PCDHA7: variants seen among roughly 807,000 people sequenced by gnomAD.
PCDHA7 encodes the protein protocadherin alpha-7.
A neutral mutation model predicts 57.2 loss-of-function variants in PCDHA7; 37 were observed. That is an observed-to-expected ratio of 0.65 (90% CI 0.50 to 0.85). The LOEUF is 0.85. Among genes scored for constraint, PCDHA7 ranks in the 40% least tolerant of loss-of-function variants. PCDHA7 has a pLI of 0.00. For missense variants in PCDHA7, 1,188 were observed against 1,241.8 expected, an observed-to-expected ratio of 0.96 and a Z score of 0.65; for synonymous variants, 553 against 558.8, an observed-to-expected ratio of 0.99 and a Z score of 0.15.
chr5:140,865,961 T>C (rs1314413159), intron 1 of PCDHA7: 9 of 152,210 alleles, frequency 5.9e-5, no homozygotes, highest in Admixed American at 5.9e-4. Context: ...ATTAATTTTG[T>C]ACAATGTGTG....
chr5:140,946,019 C>CA (rs1222084270), intron 1 of PCDHA7, among the ~76,000 whole-genome samples: 3 of 151,732 alleles, frequency 2.0e-5, no homozygotes, highest in Non-Finnish European at 4.4e-5. Flanking sequence ...TCCTGCGCAG[C>CA]AAAGAAAACA....
chr5:140,851,530 A>G (rs2042087003), intron 1 of PCDHA7: 6 of 902,946 alleles, frequency 6.6e-6, no homozygotes, highest in Non-Finnish European at 8.1e-6. Context: ...ATGCCTGACA[A>G]TGTAGATAAT....
chr5:140,869,293 T>C, intron 1 of PCDHA7: 2 of 1,613,604 alleles, frequency 1.2e-6, no homozygotes, highest in African/African-American at 1.3e-5. Flanking sequence ...GCAGCGCCTG[T>C]TCCGGGTGGC....
chr5:140,962,080 T>A (rs1226617177), intron 1 of PCDHA7, among the ~76,000 whole-genome samples: 1 of 151,756 alleles, frequency 6.6e-6, no homozygotes, highest in Non-Finnish European at 1.5e-5. Context: ...AGAGACGGGG[T>A]TTCACCATGT....
chr5:140,841,253 G>A, intron 1 of PCDHA7: 1 of 1,510,284 alleles, frequency 6.6e-7, no homozygotes, highest in Non-Finnish European at 8.9e-7. Context: ...TGGATTAAAA[G>A]ACTCTGAAAG....
chr5:140,896,959 T>C (rs1486927062), intron 1 of PCDHA7, among the ~76,000 whole-genome samples: 1 of 152,204 alleles, frequency 6.6e-6, no homozygotes, highest in Non-Finnish European at 1.5e-5. Context: ...CCTTAAACAT[T>C]TATTCTTTGC....
intron 1 of PCDHA7, chr5:140,877,101 G>T (rs375706181): frequency 6.8e-6 from 11 of 1,613,354 alleles, no homozygotes; most frequent in Non-Finnish European, 9.3e-6. Flanking sequence ...CCGGCGTGCC[G>T]CCTCTGGGCA....
chr5:140,934,704 T>C (rs185443398), intron 1 of PCDHA7, among the ~76,000 whole-genome samples: 134 of 152,288 alleles, frequency 8.8e-4, no homozygotes, highest in Non-Finnish European at 1.6e-3. Context: ...TTCCTGGCCA[T>C]CTTACAAAAA....
intron 1 of PCDHA7, chr5:140,884,171 C>A: frequency 6.2e-7 from 1 of 1,613,414 alleles, no homozygotes; most frequent in Non-Finnish European, 8.5e-7. Flanking sequence ...CAGCACGACG[C>A]GCCCTCTGGA....
chr5:140,863,120 C>T, intron 1 of PCDHA7: 4 of 591,460 alleles, frequency 6.8e-6, no homozygotes, highest in Non-Finnish European at 1.0e-5. Context: ...GCGAAAGCTA[C>T]GCGCCACCGC....
intron 1 of PCDHA7, chr5:140,967,890 C>G: frequency 6.2e-7 from 1 of 1,614,176 alleles, no homozygotes; most frequent in Non-Finnish European, 8.5e-7. Context: ...AGCCCAGTGC[C>G]TGAGAATGCT....
intron 1 of PCDHA7, chr5:140,869,566 G>C (rs782325882): frequency 6.2e-7 from 1 of 1,614,178 alleles, no homozygotes; most frequent in Middle Eastern, 1.6e-4. Context: ...TTTTCCACTA[G>C]AGGGAGCTTC....
rs1263615997 is a variant in PCDHA7 at position 140,926,760 on chromosome 5, A to ATAC, written c.2356-52188_2356-52187insACT. ...GGCGCAACGTCGGCGGTCGCTGAGT[A>ATAC]TCCAGCCCGCAGCAGTGACGGCCGG... On this transcript the variant is annotated intron_variant, in intron 1 of 3. Transcript: ENST00000525929. The ATAC allele has an allele frequency of 6.1e-6, 8 of 1,312,248 alleles. No homozygotes were observed. The African/African-American group carries it at 1.2e-4, about 20-fold the overall frequency. The allele number at this position is 1,312,248 out of a possible 1,614,324, so 81.3% of individuals were successfully genotyped here.
intron 1 of PCDHA7, chr5:140,869,446 C>A (rs2051137912): frequency 1.2e-6 from 2 of 1,614,070 alleles, no homozygotes; most frequent in Admixed American, 1.7e-5. Context: ...CAGGCCGCTG[C>A]AGGTTTTCCA....
chr5:140,997,349 G>A (rs954510019), intron 3 of PCDHA7, among the ~76,000 whole-genome samples: 3 of 152,256 alleles, frequency 2.0e-5, no homozygotes, highest in South Asian at 2.1e-4. Context: ...ATCATAGAAT[G>A]TACTTACATA....
At chr5:140,994,059 A>G (rs2097593470) in intron 3 of PCDHA7, among the ~76,000 whole-genome samples, 5 of 152,174 alleles carry the variant, frequency 3.3e-5, no homozygotes, top group Admixed American at 3.3e-4. Context: ...GCCCTTATAA[A>G]TCTAATGGTG....
intron 1 of PCDHA7, among the ~76,000 whole-genome samples, chr5:140,933,883 T>C (rs376864592): frequency 1.3e-5 from 2 of 152,084 alleles, no homozygotes; most frequent in East Asian, 1.9e-4. Context: ...GTTTTATCTG[T>C]ACTTTTGAAT....
At chr5:140,928,878 G>A (rs1563110550) in intron 1 of PCDHA7, 6 of 1,614,194 alleles carry the variant, frequency 3.7e-6, no homozygotes, top group Non-Finnish European at 4.2e-6. Flanking sequence ...CTGTCCCTCA[G>A]TTACTTCCAG....
intron 1 of PCDHA7, among the ~76,000 whole-genome samples, chr5:140,889,614 AT>A (rs1488109035): frequency 5.9e-5 from 9 of 151,496 alleles, no homozygotes; most frequent in Admixed American, 5.9e-4. Flanking sequence ...AATTATACTG[AT>A]TCATTTCTCT....
Sources: allele counts gnomAD v4.1 joint callset (sites outside exome capture counted in the v4.1 genomes callset), GRCh38; gene constraint gnomAD v4.1.1; transcripts MANE v1.5; gene names NCBI Gene and HGNC (gene_info 2026-07-23, HGNC 2026-07-21).